Variants in ADCY8 observed in about 807,000 individuals in gnomAD.
ADCY8 encodes the protein adenylate cyclase 8, also known as adenylate cyclase type 8.
In ADCY8, 51 loss-of-function variants were observed where a neutral mutation model predicts 119.7. That is an observed-to-expected ratio of 0.43 (90% confidence interval 0.34 to 0.54). The LOEUF is 0.54. Among genes scored for constraint, ADCY8 ranks in the 20% least tolerant of loss-of-function variants. The pLI is 0.03. For missense variants in ADCY8, 1,383 were observed against 1,598.8 expected (o/e 0.87, Z 2.30); for synonymous variants, 665 against 651.0 (o/e 1.02, Z -0.33).
intron 9 of ADCY8, among the ~76,000 whole-genome samples, chr8:130,850,950 C>T (rs1471033081): frequency 6.6e-6 from 1 of 152,110 alleles, no homozygotes; most frequent in East Asian, 1.9e-4. Context: ...GTCTTTTTAT[C>T]TCTTTTTTTC....
chr8:130,937,733 T>C (rs897224843), intron 4 of ADCY8, among the ~76,000 whole-genome samples: 1 of 152,244 alleles, frequency 6.6e-6, no homozygotes, highest in African/African-American at 2.4e-5. Context: ...TATATCCTTT[T>C]ATTCGTTTAT....
intron 14 of ADCY8, among the ~76,000 whole-genome samples, chr8:130,809,469 C>T (rs1313074452): frequency 6.6e-6 from 1 of 152,156 alleles, no homozygotes; most frequent in Non-Finnish European, 1.5e-5. Context: ...TATTTGGGTG[C>T]TTGTAGTCCC....
chr8:130,839,615 C>A (rs1022192180), intron 11 of ADCY8, among the ~76,000 whole-genome samples: 1 of 140,244 alleles, frequency 7.1e-6, no homozygotes, highest in African/African-American at 2.4e-5. Context: ...TTGCATGTGT[C>A]CTGTAACTTG....
intron 1 of ADCY8, chr8:130,990,972 A>G (rs77832766): frequency 0.013 from 2,036 of 153,550 alleles, 26 homozygotes; most frequent in Middle Eastern, 0.027. Context: ...CTTCGAATAC[A>G]TTGACTACTA....
At chr8:131,017,123 G>T (rs192880001) in intron 1 of ADCY8, among the ~76,000 whole-genome samples, 1 of 151,252 alleles carries the variant, frequency 6.6e-6, no homozygotes, top group Admixed American at 6.6e-5. Flanking sequence ...AGGCTGGAGT[G>T]CAGCGGCATG....
chr8:130,921,269 C>G lies in ADCY8; in HGVS notation c.1482-11403G>C, dbSNP rs146585427. ...TATTAAGAAGTGGAGGTTCCCATTC[C>G]AGCAGGGGTAGCTAAAAATAAATAA... On this transcript the variant is annotated intron_variant, in intron 5 of 17. Coordinates refer to ENST00000286355, the MANE Select transcript of ADCY8 (RefSeq NM_001115.3). Among the ~76,000 whole-genome samples the G allele has an allele frequency of 5.7e-4, 87 of 152,010 alleles. 1 individual carries two copies. In the Middle Eastern group the frequency reaches 0.017, roughly 30 times the overall value.
intron 1 of ADCY8, among the ~76,000 whole-genome samples, chr8:131,016,023 C>A (rs964569313): frequency 6.6e-6 from 1 of 152,306 alleles, no homozygotes; most frequent in Non-Finnish European, 1.5e-5. Flanking sequence ...ACATGTCAGG[C>A]ATTTCTGTAG....
intron 1 of ADCY8, among the ~76,000 whole-genome samples, chr8:131,034,996 A>G (rs1824106061): frequency 6.6e-6 from 1 of 152,202 alleles, no homozygotes; most frequent in Non-Finnish European, 1.5e-5. Context: ...AGCATTTAGA[A>G]TTTCTCTACC....
At chr8:130,926,940 C>CATATATATATATAT (rs10572208) in intron 5 of ADCY8, among the ~76,000 whole-genome samples, 74 of 145,098 alleles carry the variant, frequency 5.1e-4, no homozygotes, top group South Asian at 1.3e-3. Flanking sequence ...TATTCCATTA[C>CATATATATATATAT]ATATATATAT....
chr8:130,876,493 T>C (rs1273362858), intron 8 of ADCY8, among the ~76,000 whole-genome samples: 1 of 69,688 alleles, frequency 1.4e-5, no homozygotes, highest in African/African-American at 3.6e-5. Context: ...TCATCATTCC[T>C]TCTCCCACTG....
intron 12 of ADCY8, among the ~76,000 whole-genome samples, chr8:130,823,165 C>G (rs1240379093): frequency 6.6e-6 from 1 of 152,102 alleles, no homozygotes; most frequent in African/African-American, 2.4e-5. Context: ...AACACAAATA[C>G]CTCTTGAATT....
chr8:130,885,477 G>A (rs917105666), intron 7 of ADCY8, among the ~76,000 whole-genome samples: 3 of 151,964 alleles, frequency 2.0e-5, no homozygotes, highest in Admixed American at 1.3e-4. Flanking sequence ...TAACCACCAC[G>A]GCTGGTCACT....
chr8:130,958,424 C>T lies in ADCY8; in HGVS notation c.1111-6426G>A, dbSNP rs538435769. Among the ~76,000 whole-genome samples, 3 of 152,198 alleles carry T rather than the reference C, an allele frequency of 2.0e-5. No homozygotes were observed. In the East Asian group the frequency reaches 5.8e-4, roughly 29 times the overall value. Reference sequence around the variant, plus strand: ...ATCTCAGTGGTCACATGCTCCTGGCCTCTCATTTCATGTGCTCTGCATTAG... The same window carrying T: ...ATCTCAGTGGTCACATGCTCCTGGCTTCTCATTTCATGTGCTCTGCATTAG... On this transcript the variant is annotated intron_variant, in intron 2 of 17. Coordinates refer to ENST00000286355, the MANE Select transcript of ADCY8 (RefSeq NM_001115.3).
chr8:130,799,641 G>C (rs1175044050), intron 15 of ADCY8, among the ~76,000 whole-genome samples: 4 of 152,250 alleles, frequency 2.6e-5, no homozygotes, highest in Non-Finnish European at 5.9e-5. Context: ...TGGGAGGCTA[G>C]GTACCCCTAC....
intron 8 of ADCY8, among the ~76,000 whole-genome samples, chr8:130,881,858 T>C (rs1386561500): frequency 6.6e-6 from 1 of 151,972 alleles, no homozygotes; most frequent in East Asian, 1.9e-4. Context: ...ATTTTTTTTT[T>C]TTTTTGTCCA....
At chr8:130,974,783 G>A (rs112059284) in intron 2 of ADCY8, among the ~76,000 whole-genome samples, 4,176 of 152,270 alleles carry the variant, frequency 0.027, 80 homozygotes, top group African/African-American at 0.042. Context: ...GATTTAAAAC[G>A]TGAAGGTTAA....
chr8:130,997,234 T>C (rs1185053835), intron 1 of ADCY8, among the ~76,000 whole-genome samples: 2 of 51,108 alleles, frequency 3.9e-5, no homozygotes, highest in African/African-American at 1.1e-4. Flanking sequence ...GAAATATATA[T>C]ATACATATAC....
intron 1 of ADCY8, among the ~76,000 whole-genome samples, chr8:130,995,996 A>G (rs575275788): frequency 1.3e-5 from 2 of 152,252 alleles, no homozygotes; most frequent in South Asian, 4.1e-4. Flanking sequence ...TAGATATTTG[A>G]TAAATAAATA....
intron 6 of ADCY8, among the ~76,000 whole-genome samples, chr8:130,904,645 G>T (rs1237528824): frequency 6.6e-6 from 1 of 152,142 alleles, no homozygotes; most frequent in Non-Finnish European, 1.5e-5. Flanking sequence ...TATATTATAA[G>T]GAGCAAAGAA....
Sources: allele counts gnomAD v4.1 joint callset (sites outside exome capture counted in the v4.1 genomes callset), GRCh38; gene constraint gnomAD v4.1.1; transcripts MANE v1.5; gene names NCBI Gene and HGNC (gene_info 2026-07-23, HGNC 2026-07-21).